IL1RAPL1: variants seen among roughly 807,000 people sequenced by gnomAD.
IL1RAPL1 encodes the protein interleukin 1 receptor accessory protein like 1.
Under a neutral mutation model 48.4 loss-of-function variants are expected in IL1RAPL1, and 3 were observed. The ratio of observed to expected loss-of-function variants is 0.06; its 90% CI spans 0.03 to 0.16. The LOEUF is 0.16. IL1RAPL1 is among the 10% of genes least tolerant of loss of function. The pLI is 1.00. For missense variants in IL1RAPL1, 349 were observed against 530.6 expected (o/e 0.66, Z 3.36); for synonymous variants, 185 against 187.7 (o/e 0.99, Z 0.12).
chrX:29,680,214 C>T (rs928152886), intron 6 of IL1RAPL1, among the ~76,000 whole-genome samples: 28 of 111,417 alleles, frequency 2.5e-4, no homozygotes, highest in African/African-American at 7.8e-4. Context: ...TAATGCTCGA[C>T]TGTTCTCTGT....
chrX:29,393,331 C>T (rs1026747067), intron 3 of IL1RAPL1, among the ~76,000 whole-genome samples: 6 of 111,976 alleles, frequency 5.4e-5, no homozygotes, highest in Non-Finnish European at 7.5e-5. Flanking sequence ...CCATGTTAGC[C>T]AGGATGGTCT....
chrX:29,088,849 A>G (rs748871693), intron 2 of IL1RAPL1, among the ~76,000 whole-genome samples: 1 of 110,952 alleles, frequency 9.0e-6, no homozygotes, highest in East Asian at 2.8e-4. Flanking sequence ...ATTATAAAAA[A>G]TCCCTATAAA....
chrX:28,916,183 C>G (rs1232833922), intron 2 of IL1RAPL1, among the ~76,000 whole-genome samples: 1 of 110,580 alleles, frequency 9.0e-6, no homozygotes, highest in Non-Finnish European at 1.9e-5. Context: ...CCTAGAATAA[C>G]CACAGAGAGT....
Position 29,306,523 on chromosome X carries a change from G to A in IL1RAPL1, c.362+23306G>A, listed in dbSNP as rs1255497555. 2.4e-4 allele frequency among the ~76,000 whole-genome samples: 11 copies of A among 46,575 alleles called. No homozygotes were observed. The Admixed American group carries it at 3.1e-3, about 13-fold the overall frequency. The allele number at this position is 46,575 out of a possible 115,157, so 40.4% of individuals were successfully genotyped here. On this transcript the variant is annotated intron_variant, in intron 3 of 10. Coordinates refer to ENST00000378993, the MANE Select transcript of IL1RAPL1 (RefSeq NM_014271.4). ...CAGCCTGGTGACAGAGCAAGACTCT[G>A]TCAAAAGAAAAAAAAAAAAAAAAAA...
At chrX:29,463,320 T>A (rs1384637338) in intron 5 of IL1RAPL1, among the ~76,000 whole-genome samples, 3 of 111,640 alleles carry the variant, frequency 2.7e-5, no homozygotes, top group African/African-American at 9.8e-5. Flanking sequence ...GCTGGTGAAT[T>A]CCAGAAAAGA....
At chrX:29,529,610 A>AC (rs1935591875) in intron 5 of IL1RAPL1, among the ~76,000 whole-genome samples, 1 of 99,937 alleles carries the variant, frequency 1.0e-5, no homozygotes, top group Non-Finnish European at 2.0e-5. Flanking sequence ...AAAAAAAAAA[A>AC]AAAAACCCAA....
rs190653064 is a variant in IL1RAPL1 at position 29,501,774 on chromosome X, A to G, written c.703+102466A>G. Among the ~76,000 whole-genome samples, 199 of 100,006 alleles carry G rather than the reference A, an allele frequency of 2.0e-3. 2 individuals are homozygous for G. Among genetic ancestry groups the G allele is most frequent in the African/African-American group, 7.1e-3 (191 of 26,970 alleles). The allele number at this position is 100,006 out of a possible 115,157, so 86.8% of individuals were successfully genotyped here. A position where few individuals can be genotyped will look rare whatever the true frequency, so the allele number is the denominator to read the frequency against. ...GCGTACACCTTTGTTCATTTTGCTCAGGATTGCTTTGCTTATTTGAGTTTT... is the reference window on the plus strand; with the variant it reads ...GCGTACACCTTTGTTCATTTTGCTCGGGATTGCTTTGCTTATTTGAGTTTT... On this transcript the variant is annotated intron_variant, in intron 5 of 10. Transcript: ENST00000378993.
intron 2 of IL1RAPL1, among the ~76,000 whole-genome samples, chrX:29,051,611 C>A (rs976405301): frequency 1.8e-5 from 2 of 112,147 alleles, no homozygotes; most frequent in Admixed American, 1.9e-4. Context: ...CTTCATTGGG[C>A]AGGGTAGAAA....
At chrX:29,673,434 T>A (rs1391044393) in intron 6 of IL1RAPL1, among the ~76,000 whole-genome samples, 3 of 111,426 alleles carry the variant, frequency 2.7e-5, no homozygotes, top group African/African-American at 9.8e-5. Context: ...ACGCTACTGG[T>A]TGTCATAAGC....
At chrX:29,371,077 C>T (rs1032504436) in intron 3 of IL1RAPL1, among the ~76,000 whole-genome samples, 1 of 108,061 alleles carries the variant, frequency 9.3e-6, no homozygotes, top group African/African-American at 3.4e-5. Context: ...ATTATAGTCA[C>T]CCTATAGTGC....
At chrX:29,460,326 A>C (rs745958655) in intron 5 of IL1RAPL1, among the ~76,000 whole-genome samples, 2 of 112,033 alleles carry the variant, frequency 1.8e-5, no homozygotes, top group African/African-American at 6.5e-5. Context: ...AGTGGACTGC[A>C]TCTTGGGTCT....
At chrX:29,223,485 C>A (rs866512674) in intron 2 of IL1RAPL1, among the ~76,000 whole-genome samples, 3 of 110,637 alleles carry the variant, frequency 2.7e-5, no homozygotes, top group African/African-American at 9.8e-5. Context: ...CTGCCACTAT[C>A]TCCTGTCATG....
At chrX:29,429,894 G>GTGTGTGTGT (rs34694649) in intron 5 of IL1RAPL1, among the ~76,000 whole-genome samples, 2,145 of 85,044 alleles carry the variant, frequency 0.025, 38 homozygotes, top group East Asian at 0.051. Flanking sequence ...GTGTGTGTGT[G>GTGTGTGTGT]GTGTGTGTGT....
chrX:28,835,462 T>C (rs181812469), intron 2 of IL1RAPL1, among the ~76,000 whole-genome samples: 47 of 111,247 alleles, frequency 4.2e-4, no homozygotes, highest in Non-Finnish European at 7.4e-4. Flanking sequence ...GTGGGAACTA[T>C]CTCGATTGCC....
intron 2 of IL1RAPL1, among the ~76,000 whole-genome samples, chrX:28,987,789 T>A (rs777841104): frequency 4.5e-5 from 5 of 112,041 alleles, no homozygotes; most frequent in African/African-American, 1.6e-4. Context: ...ATTGACTTTG[T>A]CAGTCATTAA....
chrX:29,226,769 T>A (rs1931091797), intron 2 of IL1RAPL1, among the ~76,000 whole-genome samples: 1 of 110,552 alleles, frequency 9.0e-6, no homozygotes, highest in African/African-American at 3.3e-5. Flanking sequence ...AAAAAAACTG[T>A]AATCAATTTT....
intron 5 of IL1RAPL1, among the ~76,000 whole-genome samples, chrX:29,544,704 G>T (rs1054169745): frequency 9.5e-6 from 1 of 105,014 alleles, no homozygotes; most frequent in Admixed American, 1.0e-4. Context: ...GCCTACTAGT[G>T]TTTTCAAATG....
chrX:29,700,717 A>T (rs1927028359), intron 6 of IL1RAPL1, among the ~76,000 whole-genome samples: 1 of 111,732 alleles, frequency 8.9e-6, no homozygotes, highest in Non-Finnish European at 1.9e-5. Flanking sequence ...GAATATGTTG[A>T]CAACTTTCTT....
chrX:28,855,277 C>T (rs1340269217), intron 2 of IL1RAPL1, among the ~76,000 whole-genome samples: 1 of 110,955 alleles, frequency 9.0e-6, no homozygotes, highest in Non-Finnish European at 1.9e-5. Context: ...CCTTAGCCTC[C>T]CAAAGTGCCA....
Sources: gnomAD v4.1 joint callset for allele counts (sites outside exome capture counted in the v4.1 genomes callset) on GRCh38, gnomAD v4.1.1 for gene constraint, MANE v1.5 for transcripts, NCBI Gene and HGNC (gene_info 2026-07-23, HGNC 2026-07-21) for gene names.